LOC128092252: variants seen among roughly 807,000 people sequenced by gnomAD.
chr15:50,667,693 G>A, the LOC128092252 span, among the ~76,000 whole-genome samples: 31 of 152,004 alleles, frequency 2.0e-4, no homozygotes, highest in African/African-American at 7.5e-4. Context: ...GGCAACAGAA[G>A]GAGACTCCAT....
chr15:50,661,880 A>T, the LOC128092252 span, among the ~76,000 whole-genome samples: 1 of 152,188 alleles, frequency 6.6e-6, no homozygotes, highest in African/African-American at 2.4e-5. Context: ...AAATAACTAT[A>T]TCTTAGATTT....
the LOC128092252 span, among the ~76,000 whole-genome samples, chr15:50,680,547 T>A: frequency 1.3e-5 from 2 of 150,244 alleles, no homozygotes; most frequent in Non-Finnish European, 3.0e-5. Flanking sequence ...CTAGCCTAAT[T>A]GACAGAGAGA....
chr15:50,682,889 C>T, the LOC128092252 span, among the ~76,000 whole-genome samples: 67 of 150,214 alleles, frequency 4.5e-4, no homozygotes, highest in African/African-American at 1.5e-3. Flanking sequence ...TTTTGCTTCC[C>T]GGTACCAAAC....
At chr15:50,664,330 TGATA>T in the LOC128092252 span, among the ~76,000 whole-genome samples, 7 of 128,270 alleles carry the variant, frequency 5.5e-5, no homozygotes, top group Admixed American at 5.3e-4. Context: ...AAAAAAAAAG[TGATA>T]GATTGATAAA....
the LOC128092252 span, among the ~76,000 whole-genome samples, chr15:50,658,590 A>G: frequency 1.3e-5 from 2 of 151,642 alleles, no homozygotes; most frequent in African/African-American, 4.8e-5. Flanking sequence ...AAAAAAAGAC[A>G]TTATCTTGGC....
the LOC128092252 span, among the ~76,000 whole-genome samples, chr15:50,678,213 C>G: frequency 2.2e-5 from 3 of 138,940 alleles, no homozygotes; most frequent in African/African-American, 7.8e-5. Flanking sequence ...GCACTCCAGC[C>G]TGGGCAACAG....
the LOC128092252 span, among the ~76,000 whole-genome samples, chr15:50,675,945 T>A: frequency 2.7e-4 from 41 of 152,312 alleles, 1 homozygote; most frequent in Middle Eastern, 6.8e-3. Context: ...CTTGTGCAAG[T>A]TTCAGAGCCT....
the LOC128092252 span, among the ~76,000 whole-genome samples, chr15:50,653,874 G>A: frequency 6.6e-6 from 1 of 152,080 alleles, no homozygotes; most frequent in Non-Finnish European, 1.5e-5. Context: ...GTCTGTGAAC[G>A]GGGTCCTAAA....
chr15:50,676,234 G>A, the LOC128092252 span, among the ~76,000 whole-genome samples: 1 of 152,114 alleles, frequency 6.6e-6, no homozygotes, highest in Non-Finnish European at 1.5e-5. Context: ...GATGCTGCTA[G>A]CAAAAATTGG....
chr15:50,658,638 T>C, the LOC128092252 span, among the ~76,000 whole-genome samples: 2 of 150,492 alleles, frequency 1.3e-5, no homozygotes, highest in Non-Finnish European at 2.9e-5. Flanking sequence ...TGGGTGAGAG[T>C]ATATATTTAT....
At chr15:50,679,538 A>ATTTTTTT in the LOC128092252 span, among the ~76,000 whole-genome samples, 5 of 43,904 alleles carry the variant, frequency 1.1e-4, no homozygotes, top group African/African-American at 4.3e-4. Context: ...ATATATATAT[A>ATTTTTTT]TTTTTTTTTT....
chr15:50,675,428 C>T, the LOC128092252 span, among the ~76,000 whole-genome samples: 3,085 of 152,206 alleles, frequency 0.02, 122 homozygotes, highest in African/African-American at 0.071. Flanking sequence ...ACCTCTCATT[C>T]TGTTTATGTA....
the LOC128092252 span, among the ~76,000 whole-genome samples, chr15:50,655,055 G>A: frequency 9.8e-6 from 1 of 102,540 alleles, no homozygotes; most frequent in African/African-American, 3.4e-5. Context: ...ACAGCAAAAT[G>A]GAGAATGTAG....
the LOC128092252 span, among the ~76,000 whole-genome samples, chr15:50,666,457 AAAGAAGAGGAGGAAGAGG>A: frequency 6.6e-6 from 1 of 151,622 alleles, no homozygotes; most frequent in East Asian, 1.9e-4. Context: ...TAGAAGGGAG[AAAGAAGAGGAGGAAGAGG>A]AAGAAGAGGA....
At chr15:50,681,912 T>C in the LOC128092252 span, among the ~76,000 whole-genome samples, 1 of 152,154 alleles carries the variant, frequency 6.6e-6, no homozygotes, top group African/African-American at 2.4e-5. Flanking sequence ...GACTGTGCGG[T>C]GGCTCACGCC....
the LOC128092252 span, among the ~76,000 whole-genome samples, chr15:50,652,803 T>A: frequency 6.6e-6 from 1 of 151,900 alleles, no homozygotes; most frequent in African/African-American, 2.4e-5. Flanking sequence ...GAGTTCTAGA[T>A]CAGCTTGGGT....
At chr15:50,668,093 T>C in the LOC128092252 span, among the ~76,000 whole-genome samples, 3 of 152,240 alleles carry the variant, frequency 2.0e-5, no homozygotes, top group Non-Finnish European at 4.4e-5. Context: ...GTCATCAACA[T>C]ACAACTGTTG....
At chr15:50,683,256 C>T in the LOC128092252 span, among the ~76,000 whole-genome samples, 10 of 151,604 alleles carry the variant, frequency 6.6e-5, no homozygotes, top group South Asian at 1.5e-3. Flanking sequence ...CTGCAATTTA[C>T]TTATATGTTG....
chr15:50,660,912 T>C, the LOC128092252 span, among the ~76,000 whole-genome samples: 5 of 152,200 alleles, frequency 3.3e-5, no homozygotes, highest in South Asian at 8.3e-4. Flanking sequence ...AACAACTAAA[T>C]TGACCAATAG....
Sources: gnomAD v4.1 joint callset for allele counts (sites outside exome capture counted in the v4.1 genomes callset) on GRCh38, gnomAD v4.1.1 for gene constraint, MANE v1.5 for transcripts.